Variants in JAK2 observed in about 807,000 individuals in gnomAD.
JAK2 encodes the protein tyrosine-protein kinase JAK2.
Under a neutral mutation model 139.3 loss-of-function variants are expected in JAK2, and 86 were observed. The ratio of observed to expected loss-of-function variants is 0.62; its 90% CI spans 0.52 to 0.74. The LOEUF is 0.74. Among genes scored for constraint, JAK2 ranks in the 30% least tolerant of loss-of-function variants. JAK2 has a pLI of 0.00. For synonymous variants in JAK2, 490 were observed against 437.7 expected (o/e 1.12, Z -1.49); for missense variants, 1,421 against 1,360.3 (o/e 1.04, Z -0.70).
At chr9:5,070,698 G>A (rs1382597546) in intron 12 of JAK2, among the ~76,000 whole-genome samples, 1 of 151,948 alleles carries the variant, frequency 6.6e-6, no homozygotes, top group Admixed American at 6.6e-5. Context: ...TGCCAGTACA[G>A]AGGGCCCACT....
chr9:4,989,941 T>C (rs1421374485), intron 2 of JAK2, among the ~76,000 whole-genome samples: 1 of 152,166 alleles, frequency 6.6e-6, no homozygotes, highest in African/African-American at 2.4e-5. Flanking sequence ...TTTAAAAGTT[T>C]TGAATTGAGA....
chr9:5,019,872 T>G (rs1426278474), intron 2 of JAK2, among the ~76,000 whole-genome samples: 2 of 152,178 alleles, frequency 1.3e-5, no homozygotes, highest in African/African-American at 4.8e-5. Context: ...GTGGTGAACT[T>G]TTGCTGGGGA....
chr9:4,984,419 C>G (rs1482589557), upstream of JAK2: 1 of 152,272 alleles, frequency 6.6e-6, no homozygotes, highest in Non-Finnish European at 1.5e-5. Flanking sequence ...CAGGCCACGC[C>G]GGTAAAGTTG....
chr9:5,054,745 A>C lies in JAK2; in HGVS notation c.797A>C (p.Tyr266Ser). ...INLETLQSAF[Y>S]TEKFEVKEPG... ...CTGGAAACTCTGCAGTCTGCCTTCT[A>C]CACAGAGAAATTTGAAGTAAAAGAA... The change falls in exon 7 of 25, where the codon TAC becomes TCC. Residue 266 changes from tyrosine to serine, a missense_variant. Tyr to Ser is a moderately radical substitution (Grantham distance 144, BLOSUM62 -2). Transcript: ENST00000381652. This position sits in a 1 kb window ranked among gnomAD's most constrained non-coding sequence, Gnocchi z 4.9. 1 of 1,613,362 alleles carries C rather than the reference A, an allele frequency of 6.2e-7. No individual in the cohort carries two copies. The highest frequency in any genetic ancestry group is 8.5e-7 in the Non-Finnish European group (1 of 1,179,452).
At chr9:5,116,968 A>G (rs1164635448) in intron 22 of JAK2, among the ~76,000 whole-genome samples, 2 of 152,242 alleles carry the variant, frequency 1.3e-5, no homozygotes, top group Non-Finnish European at 2.9e-5. Flanking sequence ...TGACATTTCA[A>G]CGATTGGTTG....
In JAK2 at chr9:5,089,768, A is replaced by T; in HGVS notation, c.2666A>T (p.Glu889Val). 1 of 1,598,944 alleles carries T rather than the reference A, an allele frequency of 6.3e-7. No homozygotes were observed. The highest frequency in any genetic ancestry group is 8.5e-7 in the Non-Finnish European group (1 of 1,172,696). ...GTAAAAAAGCTTCAGCATAGTACTGAAGAGCACCTAAGAGACTTTGAAAGG... is the reference window on the plus strand; with the variant it reads ...GTAAAAAAGCTTCAGCATAGTACTGTAGAGCACCTAAGAGACTTTGAAAGG... ...VAVKKLQHST[E>V]EHLRDFEREI... The change falls in exon 20 of 25, where the codon GAA (glutamate) becomes GTA (valine). Residue 889 changes from glutamate (E) to valine (V), a missense_variant. By Grantham distance (121) the Glu-to-Val change is moderately radical. Transcript: ENST00000381652.
At chr9:5,018,578 G>T (rs968905716) in intron 2 of JAK2, among the ~76,000 whole-genome samples, 2 of 152,090 alleles carry the variant, frequency 1.3e-5, no homozygotes, top group African/African-American at 4.8e-5. Context: ...GGCTCAAGCA[G>T]TCTGCCTGCC....
intron 3 of JAK2, among the ~76,000 whole-genome samples, chr9:5,026,887 A>T (rs1225443052): frequency 1.3e-5 from 2 of 152,212 alleles, no homozygotes; most frequent in Non-Finnish European, 2.9e-5. Context: ...TCACATTTTA[A>T]GTTGATATTT....
At chr9:5,036,000 A>T (rs945403863) in intron 4 of JAK2, among the ~76,000 whole-genome samples, 1 of 152,162 alleles carries the variant, frequency 6.6e-6, no homozygotes, top group African/African-American at 2.4e-5. Context: ...TCAGCCCAAA[A>T]TCTCCTTAAG....
At chr9:5,094,672 CAGAAAG>C (rs1244780139) in intron 22 of JAK2, 1 of 152,154 alleles carries the variant, frequency 6.6e-6, no homozygotes, top group Admixed American at 6.5e-5. Flanking sequence ...TTTGACTTAA[CAGAAAG>C]AGAATCAGAA....
At chr9:5,123,730 G>A (rs1346278675) in intron 23 of JAK2, among the ~76,000 whole-genome samples, 1 of 151,854 alleles carries the variant, frequency 6.6e-6, no homozygotes, top group Non-Finnish European at 1.5e-5. Context: ...TCTTTATAAT[G>A]TTTTCCATAG....
At chr9:5,091,998 T>C (rs1401695019) in intron 22 of JAK2, among the ~76,000 whole-genome samples, 7 of 152,230 alleles carry the variant, frequency 4.6e-5, no homozygotes, top group African/African-American at 1.7e-4. Context: ...ATACTGCCGA[T>C]TGCTAGGTGC....
chr9:5,042,943 G>C (rs1816712986), intron 4 of JAK2, among the ~76,000 whole-genome samples: 1 of 152,234 alleles, frequency 6.6e-6, no homozygotes, highest in South Asian at 2.1e-4. Flanking sequence ...TGCTTCTCGA[G>C]GCACCTGTTC....
upstream of JAK2, chr9:4,984,933 G>A (rs1329529644): frequency 6.6e-6 from 1 of 152,320 alleles, no homozygotes; most frequent in Non-Finnish European, 1.5e-5. Context: ...GGCCGTCCCA[G>A]GAATCTCCAC....
intron 2 of JAK2, among the ~76,000 whole-genome samples, chr9:4,998,227 G>C (rs941000922): frequency 2.6e-5 from 4 of 151,956 alleles, no homozygotes; most frequent in African/African-American, 9.7e-5. Flanking sequence ...ATTGAAATGA[G>C]ATCTTAAGGG....
At chr9:5,101,030 T>C (rs1821438904) in intron 22 of JAK2, 1 of 152,190 alleles carries the variant, frequency 6.6e-6, no homozygotes, top group Non-Finnish European at 1.5e-5. Context: ...CGGGACTGGT[T>C]GGACAGGGGG....
chr9:5,008,257 T>C (rs1667862214), intron 2 of JAK2, among the ~76,000 whole-genome samples: 1 of 152,228 alleles, frequency 6.6e-6, no homozygotes, highest in Non-Finnish European at 1.5e-5. Flanking sequence ...CAAATTATAT[T>C]TTGTATGATT....
At chr9:4,993,810 G>C (rs375941429) in intron 2 of JAK2, among the ~76,000 whole-genome samples, 1 of 152,216 alleles carries the variant, frequency 6.6e-6, no homozygotes, top group African/African-American at 2.4e-5. Context: ...TGGATTCCTG[G>C]CTGGGGCCAC....
chr9:5,116,492 C>T (rs1041194189), intron 22 of JAK2, among the ~76,000 whole-genome samples: 1 of 152,056 alleles, frequency 6.6e-6, no homozygotes, highest in Non-Finnish European at 1.5e-5. Context: ...TCTGTTTTGG[C>T]CATATCCCCA....
Sources: gnomAD v4.1 joint callset for allele counts (sites outside exome capture counted in the v4.1 genomes callset) on GRCh38, gnomAD v4.1.1 for gene constraint, Gnocchi (gnomAD v3.1) non-coding constraint, MANE v1.5 for transcripts, NCBI Gene and HGNC (gene_info 2026-07-23, HGNC 2026-07-21) for gene names.